SYCE1: variants seen among roughly 807,000 people sequenced by gnomAD.
The protein encoded by SYCE1 is cancer/testis antigen 76.
In SYCE1, 37 loss-of-function variants were observed where a neutral mutation model predicts 55.1. The ratio of observed to expected loss-of-function variants is 0.67; its 90% CI spans 0.52 to 0.88. The LOEUF (loss-of-function observed/expected upper bound fraction) is 0.88. Among genes scored for constraint, SYCE1 ranks in the 40% least tolerant of loss-of-function variants. The pLI is 0.00. For synonymous variants in SYCE1, 163 were observed against 159.4 expected (o/e 1.02, Z -0.17); for missense variants, 399 against 416.4 (o/e 0.96, Z 0.36).
Position 133,560,168 on chromosome 10 carries a change from C to T in SYCE1, c.74-15G>A, listed in dbSNP as rs774665198. 1.9e-6 allele frequency: 3 copies of T among 1,613,430 alleles called. No homozygotes were observed. The highest frequency in any genetic ancestry group is 2.5e-6 in the Non-Finnish European group (3 of 1,179,526). ...CGTGTCCTGCCCTGTGGAGACAAAA[C>T]CAAACATTTCAGAATCAAGCAGGGC... On this transcript the variant is annotated splice_polypyrimidine_tract_variant and intron_variant, in intron 1 of 12. Coordinates refer to ENST00000343131, the MANE Select transcript of SYCE1 (RefSeq NM_001143764.3).
chr10:133,567,756 T>G, upstream of SYCE1: 1 of 260,076 alleles, frequency 3.8e-6, no homozygotes, highest in Non-Finnish European at 7.8e-6. Context: ...GCACCTCCCT[T>G]TGGGCGGCTC....
chr10:133,554,250 T>C (rs906120514), downstream of SYCE1: 1 of 1,601,478 alleles, frequency 6.2e-7, no homozygotes, highest in Non-Finnish European at 8.6e-7. Context: ...CCATGTTCCA[T>C]TTTTCCATGG....
At chr10:133,554,602 C>T (rs757162488), downstream of SYCE1, 16 of 693,376 alleles carry the variant, frequency 2.3e-5, no homozygotes, top group Middle Eastern at 2.4e-4. Flanking sequence ...CATATGGAAC[C>T]GACTGATTTT....
Position 133,555,558 on chromosome 10 carries a change from TCCTGGTGGGGGTTGCGGGGACAGGG to T in SYCE1, c.830+14_830+38del, listed in dbSNP as rs766733481. 6 of 1,602,328 alleles carry T rather than the reference TCCTGGTGGGGGTTGCGGGGACAGGG, an allele frequency of 3.7e-6. No homozygotes were observed. The East Asian group carries it at 1.3e-4, about 36-fold the overall frequency. On this transcript the variant is annotated intron_variant, in intron 11 of 12. Coordinates refer to ENST00000343131, the MANE Select transcript of SYCE1 (RefSeq NM_001143764.3). The stretch of plus-strand genomic sequence containing the variant: ...AGAGGAGATACAACATCAGTCATCT[TCCTGGTGGGGGTTGCGGGGACAGGG>T]CCTCCACACGCACCTCTGCCGCTTC...
chr10:133,558,058 G>A, intron 5 of SYCE1, 109 bp downstream of exon 5: 1 of 1,537,548 alleles, frequency 6.5e-7, no homozygotes, highest in South Asian at 1.1e-5. Context: ...GAAGCCACAG[G>A]AGAGAGGCAA....
chr10:133,555,350 C>T lies in SYCE1; in HGVS notation c.918+1G>A. ...CCCTGACGCCCACTTCTGGGGCTTA[C>T]CACATCTCCTGGGCCAGCCTCTTCC... On this transcript the variant is annotated splice_donor_variant, in intron 12 of 12. Transcript: ENST00000343131. LOFTEE classifies it high-confidence loss of function. The T allele has an allele frequency of 6.2e-7, 1 of 1,613,906 alleles. No individual in the cohort carries two copies. Among genetic ancestry groups the T allele is most frequent in the Non-Finnish European group, 8.5e-7 (1 of 1,179,908 alleles).
At chr10:133,555,483 G>A (rs371082539) in intron 11 of SYCE1, 45 bp from the exon 12 acceptor site, 2 of 1,612,636 alleles carry the variant, frequency 1.2e-6, no homozygotes, top group Non-Finnish European at 1.7e-6. Context: ...GGAGGAAAGG[G>A]TGGAGGAGGG....
chr10:133,568,265 G>C (rs188096997), upstream of SYCE1: 2,289 of 1,421,512 alleles, frequency 1.6e-3, 25 homozygotes, highest in African/African-American at 0.028. Flanking sequence ...CGTTCCCCGG[G>C]TCCCGCGGCC....
upstream of SYCE1, chr10:133,567,717 A>C: frequency 4.3e-6 from 1 of 234,160 alleles, no homozygotes; most frequent in South Asian, 5.0e-5. Context: ...AGGCATGGGG[A>C]GCTGGGGTGG....
chr10:133,567,906 A>C (rs567785915), upstream of SYCE1: 3 of 518,378 alleles, frequency 5.8e-6, no homozygotes, highest in Non-Finnish European at 1.1e-5. Context: ...CGGCGTGGGC[A>C]GGCAGGTGGA....
chr10:133,555,701 C>G lies in SYCE1; in HGVS notation c.726G>C (p.Leu242=). 6 of 1,605,848 alleles carry G rather than the reference C, an allele frequency of 3.7e-6. No homozygotes were observed. Among genetic ancestry groups the G allele is most frequent in the Non-Finnish European group, 5.1e-6 (6 of 1,179,948 alleles). Residue 242 remains leucine, a synonymous_variant, in exon 11 of 13, where the codon CTG becomes CTC. Transcript: ENST00000343131. ...RSQEAAATVQ[L]FQEEHRKAEE... is the part of the protein sequence containing the mutation. ...CAGCCTTCCTGTGCTCTTCCTGAAACAGCTGCCTGGGGGGCCCAGTAGGGG... is the reference window on the plus strand; with the variant it reads ...CAGCCTTCCTGTGCTCTTCCTGAAAGAGCTGCCTGGGGGGCCCAGTAGGGG...
chr10:133,560,324 C>CCTG, intron 1 of SYCE1, 171 bp from the exon 2 acceptor site: 1 of 556,916 alleles, frequency 1.8e-6, no homozygotes, highest in South Asian at 2.4e-5. Flanking sequence ...CAGCTTTTCC[C>CCTG]TATAAGGTAA....
At position 133,555,131 on chromosome 10, in the gene SYCE1, T is replaced by G; in HGVS notation, c.919-2A>C. The stretch of plus-strand genomic sequence containing the variant: ...TCCTTTTAGGGGCTTGGGACTGGCC[T>G]GCAGGAGGTTAGTGTCCAGGGTGGG... On this transcript the variant is annotated splice_acceptor_variant, in intron 12 of 12. Coordinates refer to ENST00000343131, the MANE Select transcript of SYCE1 (RefSeq NM_001143764.3). LOFTEE classifies it high-confidence loss of function. The G allele has an allele frequency of 1.3e-6, 2 of 1,546,038 alleles. No homozygotes were observed. Among genetic ancestry groups the G allele is most frequent in the Non-Finnish European group, 1.7e-6 (2 of 1,145,120 alleles).
chr10:133,556,837 C>T lies in SYCE1; in HGVS notation c.465-15G>A, dbSNP rs773639462. 4 of 1,597,142 alleles carry T rather than the reference C, an allele frequency of 2.5e-6. No homozygotes were observed. Among genetic ancestry groups the T allele is most frequent in the South Asian group, 2.2e-5 (2 of 88,968 alleles). On this transcript the variant is annotated splice_polypyrimidine_tract_variant and intron_variant, in intron 7 of 12. Transcript: ENST00000343131. ...CGAATGCCAACCTGGGAACCAACCA[C>T]AGGCATGAGGGGATATGGGCTGAAA...
chr10:133,565,502 C>A lies in SYCE1; in HGVS notation c.28G>T (p.Ala10Ser). The change falls in exon 1 of 13, where the codon GCC (alanine) becomes TCC (serine). Residue 10 changes from alanine to serine, a missense_variant. By Grantham distance (99) the Ala-to-Ser change is moderately conservative. Transcript: ENST00000343131. The stretch of plus-strand genomic sequence containing the variant: ...TCCACGGCTCCTGCGGTGGGCTCGG[C>A]CTTCGATGTCAGGGACCTCCCCGCC... MAGRSLTSK[A>S]EPTAGAVDRA... 1 of 1,550,140 alleles carries A rather than the reference C, an allele frequency of 6.5e-7. No individual in the cohort carries two copies. Among genetic ancestry groups the A allele is most frequent in the Non-Finnish European group, 8.7e-7 (1 of 1,146,808 alleles).
rs201817730 is a variant in SYCE1, at chr10:133,556,836, A to G, written c.465-14T>C. Reference sequence around the variant, plus strand: ...TCGAATGCCAACCTGGGAACCAACCACAGGCATGAGGGGATATGGGCTGAA... The same window carrying G: ...TCGAATGCCAACCTGGGAACCAACCGCAGGCATGAGGGGATATGGGCTGAA... On this transcript the variant is annotated splice_polypyrimidine_tract_variant and intron_variant, in intron 7 of 12. Transcript: ENST00000343131. 1 of 1,596,832 alleles carries G rather than the reference A, an allele frequency of 6.3e-7. No individual in the cohort carries two copies.
chr10:133,558,866 G>C lies in SYCE1; in HGVS notation c.271+11C>G. 2 of 1,613,348 alleles carry C rather than the reference G, an allele frequency of 1.2e-6. No homozygotes were observed. Among genetic ancestry groups the C allele is most frequent in the African/African-American group, 1.3e-5 (1 of 74,914 alleles). On this transcript the variant is annotated intron_variant, in intron 4 of 12. Transcript: ENST00000343131. ...CTGTGGGGACCTCTGGGTGACCCCC[G>C]GCTCTCTTACGCGAGTCCAGTTCCT...
At chr10:133,555,171 C>T in intron 12 of SYCE1, 42 bp from the exon 13 acceptor site, 1 of 1,532,254 alleles carries the variant, frequency 6.5e-7, no homozygotes, top group Non-Finnish European at 8.8e-7. Context: ...TACACCCATC[C>T]CCATGGCCAC....
At chr10:133,557,760 G>C in intron 6 of SYCE1, 104 bp downstream of exon 6, 1 of 1,316,882 alleles carries the variant, frequency 7.6e-7, no homozygotes. Flanking sequence ...ATTGTTTAGA[G>C]GGAAACAATG....
Sources: gnomAD v4.1 joint callset for allele counts on GRCh38, gnomAD v4.1.1 for gene constraint, MANE v1.5 for transcripts, NCBI Gene and HGNC (gene_info 2026-07-23, HGNC 2026-07-21) for gene names.